Variants in KCNAB1 observed in about 807,000 individuals in gnomAD.
The protein encoded by KCNAB1 is voltage-gated potassium channel subunit beta-1.
In KCNAB1, 35 loss-of-function variants were observed where a neutral mutation model predicts 64.6. The observed-to-expected ratio is 0.54, with a 90% CI of 0.41 to 0.72. The LOEUF is 0.72. Among genes scored for constraint, KCNAB1 ranks in the 30% least tolerant of loss-of-function variants. The probability of loss-of-function intolerance (pLI) is 0.00; values close to 1 mark genes in which losing one functional copy is unlikely to be tolerated. For synonymous variants in KCNAB1, 177 were observed against 183.8 expected (o/e 0.96, Z 0.30); for missense variants, 401 against 512.9 (o/e 0.78, Z 2.11).
At chr3:156,326,399 A>AT (rs566277683) in intron 1 of KCNAB1, among the ~76,000 whole-genome samples, 2 of 152,148 alleles carry the variant, frequency 1.3e-5, no homozygotes, top group Non-Finnish European at 2.9e-5. Flanking sequence ...ATTGGCAAAT[A>AT]TATAGATGTC....
intron 1 of KCNAB1, among the ~76,000 whole-genome samples, chr3:156,215,027 A>G (rs1218338510): frequency 6.6e-6 from 1 of 152,242 alleles, no homozygotes. Context: ...ACAGATAATC[A>G]TAATTATTAT....
Position 156,130,464 on chromosome 3 carries a change from T to C in KCNAB1, c.275+9578T>C, listed in dbSNP as rs114801256. ...GCTAGCACATTCCTTAGATATTCCA[T>C]TGATTCCTTCCCAATGATCCATGTG... On this transcript the variant is annotated intron_variant, in intron 1 of 13. Transcript: ENST00000490337. Among the ~76,000 whole-genome samples the C allele has an allele frequency of 4.5e-3, 685 of 152,378 alleles. 3 individuals carry two copies. The highest frequency in any genetic ancestry group is 0.016 in the African/African-American group (653 of 41,586).
intron 8 of KCNAB1, among the ~76,000 whole-genome samples, chr3:156,497,803 A>G (rs1716108744): frequency 6.6e-6 from 1 of 152,228 alleles, no homozygotes; most frequent in African/African-American, 2.4e-5. Context: ...CTTAGTGAGT[A>G]TGTTGCCTAA....
At chr3:156,401,766 A>C (rs1444605466) in intron 1 of KCNAB1, among the ~76,000 whole-genome samples, 4 of 152,266 alleles carry the variant, frequency 2.6e-5, no homozygotes, top group African/African-American at 9.6e-5. Context: ...AATTAAATTT[A>C]AAGATCATTC....
At chr3:156,361,885 C>T (rs1455177376) in intron 1 of KCNAB1, among the ~76,000 whole-genome samples, 16 of 152,302 alleles carry the variant, frequency 1.1e-4, no homozygotes, top group Admixed American at 6.5e-5. Flanking sequence ...GTCTCTAACT[C>T]CTGGGCTCCA....
At chr3:156,417,232 C>T (rs1715139943) in intron 1 of KCNAB1, among the ~76,000 whole-genome samples, 1 of 152,016 alleles carries the variant, frequency 6.6e-6, no homozygotes, top group African/African-American at 2.4e-5. Context: ...ACAAACAAAC[C>T]CAAATCTCAT....
At chr3:156,143,971 T>A (rs938392843) in intron 1 of KCNAB1, among the ~76,000 whole-genome samples, 1 of 152,052 alleles carries the variant, frequency 6.6e-6, no homozygotes, top group African/African-American at 2.4e-5. Flanking sequence ...GATAAATTAC[T>A]GGTTGTACAC....
intron 1 of KCNAB1, among the ~76,000 whole-genome samples, chr3:156,223,020 G>C (rs1715881562): frequency 6.6e-6 from 1 of 152,212 alleles, no homozygotes; most frequent in Admixed American, 6.5e-5. Context: ...GAATTGGTGG[G>C]TTCTTGGTCT....
chr3:156,226,852 A>G (rs1716212381), intron 1 of KCNAB1, among the ~76,000 whole-genome samples: 1 of 152,236 alleles, frequency 6.6e-6, no homozygotes, highest in Non-Finnish European at 1.5e-5. Context: ...CACCATTAAT[A>G]GTCCTGTCAG....
In KCNAB1 at chr3:156,460,062, A is replaced by G. The variant is rs1712783520; in HGVS notation, c.482+191A>G. ...TCTGGAGCTTCAAAAATTACTGACT[A>G]GTCATTGATCACAATGAATTACCAA... On this transcript the variant is annotated intron_variant, in intron 5 of 13. Transcript: ENST00000490337. 1.2e-5 allele frequency: 6 copies of G among 516,294 alleles called. No homozygotes were observed. In the South Asian group the frequency reaches 1.8e-4, roughly 16 times the overall value. 32.0% of individuals were successfully genotyped at this position (516,294 alleles called of 1,614,324 possible). A position where few individuals can be genotyped will look rare whatever the true frequency, so the allele number is the denominator to read the frequency against.
At chr3:156,318,588 G>T (rs1231047654) in intron 1 of KCNAB1, among the ~76,000 whole-genome samples, 2 of 152,276 alleles carry the variant, frequency 1.3e-5, no homozygotes, top group Non-Finnish European at 2.9e-5. Context: ...TGTGACCCTG[G>T]TGCCTATAAG....
At chr3:156,266,317 T>C (rs898660436) in intron 1 of KCNAB1, among the ~76,000 whole-genome samples, 1 of 152,184 alleles carries the variant, frequency 6.6e-6, no homozygotes, top group African/African-American at 2.4e-5. Context: ...AGCAAAAAAC[T>C]GGGGACACAC....
At chr3:156,531,743 G>A (rs1350953618) in intron 13 of KCNAB1, among the ~76,000 whole-genome samples, 1 of 152,190 alleles carries the variant, frequency 6.6e-6, no homozygotes, top group African/African-American at 2.4e-5. Context: ...AGTGTTATAC[G>A]TGGCAACTGA....
chr3:156,182,788 TC>T, intron 1 of KCNAB1, among the ~76,000 whole-genome samples: 1 of 151,042 alleles, frequency 6.6e-6, no homozygotes, highest in East Asian at 2.0e-4. Flanking sequence ...AACCTCTGCC[TC>T]CCAGGTTCAA....
At chr3:156,192,473 T>C (rs1713618461) in intron 1 of KCNAB1, among the ~76,000 whole-genome samples, 1 of 152,178 alleles carries the variant, frequency 6.6e-6, no homozygotes, top group Non-Finnish European at 1.5e-5. Flanking sequence ...TTTGCTGTTG[T>C]TAGGGTTTTT....
intron 1 of KCNAB1, among the ~76,000 whole-genome samples, chr3:156,229,019 C>A (rs1345668784): frequency 6.6e-6 from 1 of 152,204 alleles, no homozygotes; most frequent in Non-Finnish European, 1.5e-5. Flanking sequence ...GCATCATTCC[C>A]CTCTTCCTTG....
chr3:156,245,943 A>G (rs1293168503), intron 1 of KCNAB1, among the ~76,000 whole-genome samples: 1 of 149,572 alleles, frequency 6.7e-6, no homozygotes, highest in Non-Finnish European at 1.5e-5. Flanking sequence ...ATACAGAATT[A>G]TAACTGATAG....
intron 1 of KCNAB1, among the ~76,000 whole-genome samples, chr3:156,123,736 G>A (rs1303013529): frequency 6.6e-6 from 1 of 152,138 alleles, no homozygotes; most frequent in Non-Finnish European, 1.5e-5. Flanking sequence ...GGGAGGATGG[G>A]GCAGGGGCCA....
intron 1 of KCNAB1, among the ~76,000 whole-genome samples, chr3:156,267,435 A>T (rs758594088): frequency 6.6e-6 from 1 of 152,118 alleles, no homozygotes; most frequent in Non-Finnish European, 1.5e-5. Context: ...CCCCAACCAG[A>T]ATCCTTGATA....
Sources: allele counts gnomAD v4.1 joint callset (sites outside exome capture counted in the v4.1 genomes callset), GRCh38; gene constraint gnomAD v4.1.1; transcripts MANE v1.5; gene names NCBI Gene and HGNC (gene_info 2026-07-23, HGNC 2026-07-21).